Variants in CAMK2D observed in about 807,000 individuals in gnomAD.
The protein encoded by CAMK2D is calcium/calmodulin dependent protein kinase II delta, also known as calcium/calmodulin-dependent protein kinase type II subunit delta.
In CAMK2D, 37 loss-of-function variants were observed where a neutral mutation model predicts 84.0. The observed-to-expected ratio is 0.44, with a 90% confidence interval of 0.34 to 0.58. The LOEUF (loss-of-function observed/expected upper bound fraction) is 0.58. Ranked by LOEUF, CAMK2D falls within the 20% of genes least tolerant of loss-of-function variation. The probability of loss-of-function intolerance (pLI) is 0.02; values close to 1 mark genes in which losing one functional copy is unlikely to be tolerated. For missense variants in CAMK2D, 448 were observed against 652.5 expected, an observed-to-expected ratio of 0.69 and a Z score of 3.41; for synonymous variants, 202 against 212.5, an observed-to-expected ratio of 0.95 and a Z score of 0.43.
chr4:113,717,691 A>G (rs1348904565), intron 2 of CAMK2D, among the ~76,000 whole-genome samples: 1 of 152,046 alleles, frequency 6.6e-6, no homozygotes, highest in African/African-American at 2.4e-5. Context: ...TTCATTCCTA[A>G]AATCTTTGAT....
At chr4:113,753,616 T>C (rs1361725195) in intron 2 of CAMK2D, 1 of 196,708 alleles carries the variant, frequency 5.1e-6, no homozygotes, top group Non-Finnish European at 9.2e-6. Flanking sequence ...AGAGGAATTT[T>C]GTCACTTAAG....
chr4:113,578,346 G>A (rs1484220775), intron 4 of CAMK2D, among the ~76,000 whole-genome samples: 1 of 152,112 alleles, frequency 6.6e-6, no homozygotes, highest in Non-Finnish European at 1.5e-5. Flanking sequence ...TTGGTTATTT[G>A]TGAGAATTGT....
chr4:113,578,169 A>AT (rs2098792629), intron 4 of CAMK2D, among the ~76,000 whole-genome samples: 1 of 152,222 alleles, frequency 6.6e-6, no homozygotes, highest in Admixed American at 6.5e-5. Flanking sequence ...GTATCTTAAT[A>AT]TTTCGGATCA....
intron 17 of CAMK2D, 35 bp from the exon 18 acceptor site, chr4:113,460,276 T>C (rs1335997470): frequency 2.7e-6 from 3 of 1,099,916 alleles, no homozygotes; most frequent in South Asian, 1.3e-5. Flanking sequence ...AACCAATTAA[T>C]AGGTGCTTTA....
intron 3 of CAMK2D, among the ~76,000 whole-genome samples, chr4:113,642,658 T>C (rs1277482867): frequency 6.6e-6 from 1 of 152,206 alleles, no homozygotes; most frequent in Admixed American, 6.6e-5. Flanking sequence ...CATAAAGAGA[T>C]GGCAAAAGCA....
chr4:113,732,173 G>C (rs1311728492), intron 2 of CAMK2D, among the ~76,000 whole-genome samples: 1 of 151,894 alleles, frequency 6.6e-6, no homozygotes, highest in African/African-American at 2.4e-5. Context: ...GCCCAGGCTG[G>C]AATTCAGTGG....
intron 2 of CAMK2D, among the ~76,000 whole-genome samples, chr4:113,731,734 C>T (rs138947780): frequency 5.3e-4 from 81 of 151,998 alleles, no homozygotes; most frequent in African/African-American, 1.8e-3. Context: ...TACAGGCGCG[C>T]GCCACTATGC....
At chr4:113,648,685 CA>C (rs1231749706) in intron 3 of CAMK2D, among the ~76,000 whole-genome samples, 1 of 152,122 alleles carries the variant, frequency 6.6e-6, no homozygotes, top group Non-Finnish European at 1.5e-5. Flanking sequence ...GCTTTTTCAG[CA>C]GATACTTTGA....
intron 2 of CAMK2D, among the ~76,000 whole-genome samples, chr4:113,721,854 TG>T (rs1364809065): frequency 6.6e-6 from 1 of 152,156 alleles, no homozygotes; most frequent in Non-Finnish European, 1.5e-5. Flanking sequence ...AGTCAAACAT[TG>T]TAACAAATGT....
intron 16 of CAMK2D, among the ~76,000 whole-genome samples, chr4:113,499,543 T>A (rs933816028): frequency 3.3e-5 from 5 of 152,216 alleles, no homozygotes. Context: ...CAAGACTTTA[T>A]TGTATTAACA....
Position 113,761,012 on chromosome 4 carries a change from C to G in CAMK2D, c.57G>C (p.Glu19Asp). ...RFTDEYQLFEELGKGAFSVVR... is the reference protein window; with the variant it reads ...RFTDEYQLFEDLGKGAFSVVR... Reference sequence around the variant, plus strand: ...CGGGCAAAGGTGCTTACTTTCCAAGCTCCTCGAAAAGCTGATACTCGTCCG... The same window carrying G: ...CGGGCAAAGGTGCTTACTTTCCAAGGTCCTCGAAAAGCTGATACTCGTCCG... The change falls in exon 1 of 21, where the codon GAG (glutamate) becomes GAC (aspartate). Residue 19 changes from glutamate (E) to aspartate (D), a missense_variant. Coordinates refer to ENST00000511664, the MANE Select transcript of CAMK2D (RefSeq NM_001321571.2). The G allele has an allele frequency of 6.2e-7, 1 of 1,614,206 alleles. No homozygotes were observed.
chr4:113,490,310 G>C (rs959099839), intron 16 of CAMK2D, among the ~76,000 whole-genome samples: 3 of 148,376 alleles, frequency 2.0e-5, no homozygotes, highest in African/African-American at 2.6e-5. Flanking sequence ...ATCTTGAATT[G>C]ATTTTTGTAC....
At chr4:113,599,032 T>C (rs535481613) in intron 4 of CAMK2D, among the ~76,000 whole-genome samples, 5 of 152,266 alleles carry the variant, frequency 3.3e-5, no homozygotes, top group East Asian at 1.9e-4. Flanking sequence ...CATAGAAGAA[T>C]GCAGATGGTA....
intron 4 of CAMK2D, among the ~76,000 whole-genome samples, chr4:113,590,164 T>C (rs2098859899): frequency 1.3e-5 from 2 of 152,206 alleles, no homozygotes; most frequent in African/African-American, 2.4e-5. Context: ...TAAATGAATG[T>C]AGAATCTTAA....
intron 3 of CAMK2D, among the ~76,000 whole-genome samples, chr4:113,653,060 T>C (rs2099182133): frequency 1.3e-5 from 2 of 152,092 alleles, no homozygotes; most frequent in Admixed American, 1.3e-4. Flanking sequence ...TATACAATTT[T>C]TATATTCAAA....
At chr4:113,656,288 T>C (rs948419775) in intron 3 of CAMK2D, among the ~76,000 whole-genome samples, 6 of 152,136 alleles carry the variant, frequency 3.9e-5, no homozygotes, top group Admixed American at 2.6e-4. Context: ...AAAAACGGGC[T>C]GTACTCTACA....
At chr4:113,657,519 T>C (rs1037103829) in intron 3 of CAMK2D, among the ~76,000 whole-genome samples, 1 of 152,110 alleles carries the variant, frequency 6.6e-6, no homozygotes, top group South Asian at 2.1e-4. Flanking sequence ...AATTAGCATA[T>C]ATATATAAGA....
At chr4:113,615,856 G>C (rs1010597513) in intron 3 of CAMK2D, among the ~76,000 whole-genome samples, 3 of 152,056 alleles carry the variant, frequency 2.0e-5, no homozygotes, top group African/African-American at 7.2e-5. Context: ...TTGGGAGTTT[G>C]ATTAGCTGGC....
chr4:113,720,390 A>ACACT (rs1218639445), intron 2 of CAMK2D, among the ~76,000 whole-genome samples: 1 of 150,830 alleles, frequency 6.6e-6, no homozygotes, highest in East Asian at 1.9e-4. Flanking sequence ...ACACACACAC[A>ACACT]CTCACACATT....
Sources: gnomAD v4.1 joint callset for allele counts (sites outside exome capture counted in the v4.1 genomes callset) on GRCh38, gnomAD v4.1.1 for gene constraint, MANE v1.5 for transcripts, NCBI Gene and HGNC (gene_info 2026-07-23, HGNC 2026-07-21) for gene names.